The following SPEN variants were observed in gnomAD, a reference collection of about 807,000 sequenced individuals.
SPEN encodes msx2-interacting protein.
In SPEN, 18 loss-of-function variants were observed where a neutral mutation model predicts 269.9. The ratio of observed to expected loss-of-function variants is 0.07; its 90% CI spans 0.05 to 0.10. The LOEUF is 0.10. Ranked by LOEUF, SPEN falls within the 10% of genes least tolerant of loss-of-function variation. The probability of loss-of-function intolerance (pLI) is 1.00; values close to 1 mark genes in which losing one functional copy is unlikely to be tolerated. For synonymous variants in SPEN, 1,726 were observed against 1,765.7 expected, an observed-to-expected ratio of 0.98 and a Z score of 0.56; for missense variants, 3,822 against 4,631.2, an observed-to-expected ratio of 0.83 and a Z score of 5.07.
At position 15,939,121 on chromosome 1, in the gene SPEN, T is replaced by G. The variant is rs2071310383; in HGVS notation, c.10864-175T>G. ...GATAGGGCCCCAGGGGGTTCCTGTT[T>G]ATAGTTTTCTGACACCTGCTAGGTC... On this transcript the variant is annotated intron_variant, in intron 14 of 14. Transcript: ENST00000375759. This position sits in a 1 kb window ranked among gnomAD's most constrained non-coding sequence, Gnocchi z 4.1. Among the ~76,000 whole-genome samples the G allele has an allele frequency of 6.6e-6, 1 of 152,168 alleles. No individual in the cohort carries two copies. The highest frequency in any genetic ancestry group is 1.5e-5 in the Non-Finnish European group (1 of 68,018).
At position 15,848,154 on chromosome 1, in the gene SPEN, A is replaced by G; in HGVS notation, c.83+4A>G. On this transcript the variant is annotated splice_donor_region_variant and intron_variant, in intron 1 of 14. Coordinates refer to ENST00000375759, the MANE Select transcript of SPEN (RefSeq NM_015001.3). The surrounding 1 kb of genome is among the most constrained non-coding windows in gnomAD (Gnocchi z 5.1). Reference sequence around the variant, plus strand: ...AGATCATCGAGCATTTCAAACGGTGAGTGACACGAGGCCCGCGGCCGCGCT... The same window carrying G: ...AGATCATCGAGCATTTCAAACGGTGGGTGACACGAGGCCCGCGGCCGCGCT... 1 of 1,470,302 alleles carries G rather than the reference A, an allele frequency of 6.8e-7. No homozygotes were observed. Among genetic ancestry groups the G allele is most frequent in the Non-Finnish European group, 9.1e-7 (1 of 1,099,266 alleles). The allele number at this position is 1,470,302 out of a possible 1,614,324, so 91.1% of individuals were successfully genotyped here.
chr1:15,855,258 CA>C lies in SPEN; in HGVS notation c.83+7111del. Among the ~76,000 whole-genome samples the C allele has an allele frequency of 2.0e-5, 3 of 152,214 alleles. No homozygotes were observed. In the Middle Eastern group the frequency reaches 0.01, roughly 518 times the overall value. ...TGTTTGGGTCACTAGGGAACATTGC[CA>C]AATGATATGAAGATTCTTTTAATTA... On this transcript the variant is annotated intron_variant, in intron 1 of 14. Coordinates refer to ENST00000375759, the MANE Select transcript of SPEN (RefSeq NM_015001.3).
chr1:15,858,412 A>G (rs2070408204), intron 1 of SPEN, among the ~76,000 whole-genome samples: 1 of 152,172 alleles, frequency 6.6e-6, no homozygotes, highest in African/African-American at 2.4e-5. Flanking sequence ...CCCTGAAACA[A>G]GGACACTTTC....
Position 15,918,915 on chromosome 1 carries a change from G to T in SPEN, c.1396-11G>T. 1 of 1,601,344 alleles carries T rather than the reference G, an allele frequency of 6.2e-7. No homozygotes were observed. The highest frequency in any genetic ancestry group is 8.5e-7 in the Non-Finnish European group (1 of 1,175,362). ...GGCATATTGCTAAGTTGTATTCATT[G>T]GTTTTTTCAGGATATTGACATTAAG... On this transcript the variant is annotated splice_polypyrimidine_tract_variant and intron_variant, in intron 6 of 14. Transcript: ENST00000375759.
At chr1:15,891,983 A>T in intron 3 of SPEN, among the ~76,000 whole-genome samples, 1 of 144,422 alleles carries the variant, frequency 6.9e-6, no homozygotes, top group Admixed American at 6.9e-5. Flanking sequence ...AAAGCATATT[A>T]CTACATTAAT....
intron 10 of SPEN, among the ~76,000 whole-genome samples, 185 bp from the exon 11 acceptor site, chr1:15,927,906 G>C (rs2071183053): frequency 6.6e-6 from 1 of 152,170 alleles, no homozygotes; most frequent in Admixed American, 6.5e-5. Context: ...AATTTAGCTA[G>C]ATTTCAAGTG....
intron 1 of SPEN, among the ~76,000 whole-genome samples, chr1:15,872,117 A>G (rs2070583015): frequency 1.3e-5 from 2 of 151,546 alleles, no homozygotes; most frequent in African/African-American, 2.4e-5. Context: ...ATATGCCTGT[A>G]ATCCCGGCTT....
intron 1 of SPEN, among the ~76,000 whole-genome samples, chr1:15,849,585 T>G (rs923927136): frequency 3.3e-5 from 5 of 149,686 alleles, no homozygotes; most frequent in African/African-American, 9.9e-5. Flanking sequence ...ACTCTCCCGG[T>G]GTTTACTACG....
chr1:15,887,357 T>C (rs2070746790), intron 3 of SPEN, among the ~76,000 whole-genome samples: 1 of 140,776 alleles, frequency 7.1e-6, no homozygotes, highest in East Asian at 2.1e-4. Flanking sequence ...CTCAGCTCAC[T>C]GCAAGCTCCG....
At position 15,848,568 on chromosome 1, in the gene SPEN, C is replaced by T. The variant is rs2070300586; in HGVS notation, c.83+418C>T. ...CCCGCCCGACAGCCGGGTCCGGCGC[C>T]GCCACTCCAAGCTGCTCTGCGGGCG... is the stretch of plus-strand genomic sequence containing the variant. On this transcript the variant is annotated intron_variant, in intron 1 of 14. Transcript: ENST00000375759. This position sits in a 1 kb window ranked among gnomAD's most constrained non-coding sequence, Gnocchi z 5.1. 6.6e-6 allele frequency among the ~76,000 whole-genome samples: 1 copy of T among 152,088 alleles called. No homozygotes were observed. The highest frequency in any genetic ancestry group is 2.4e-5 in the African/African-American group (1 of 41,448).
rs190148810 is a variant in SPEN at position 15,857,057 on chromosome 1, C to T, written c.83+8907C>T. ...TCAGTTATGGCCTATCTGCTTTTCT[C>T]CTTCCTGTATTTTTTTTTTTCTTGA... is the stretch of plus-strand genomic sequence containing the variant. On this transcript the variant is annotated intron_variant, in intron 1 of 14. Transcript: ENST00000375759. Among the ~76,000 whole-genome samples, 523 of 151,932 alleles carry T rather than the reference C, an allele frequency of 3.4e-3. 1 individual carries two copies. The highest frequency in any genetic ancestry group is 4.8e-3 in the Non-Finnish European group (324 of 67,952).
intron 2 of SPEN, chr1:15,874,075 C>T (rs2070608139): frequency 7.5e-7 from 1 of 1,325,650 alleles, no homozygotes; most frequent in Non-Finnish European, 1.0e-6. Flanking sequence ...ATTTCCTCTT[C>T]TGCCAGCTAC....
At chr1:15,902,726 A>G (rs1279132779) in intron 3 of SPEN, among the ~76,000 whole-genome samples, 2 of 152,192 alleles carry the variant, frequency 1.3e-5, no homozygotes, top group Non-Finnish European at 2.9e-5. Flanking sequence ...TGGGCACCCA[A>G]ACCTGATTGA....
chr1:15,850,453 C>G (rs966114745), intron 1 of SPEN, among the ~76,000 whole-genome samples: 2 of 151,524 alleles, frequency 1.3e-5, no homozygotes, highest in Non-Finnish European at 2.9e-5. Flanking sequence ...ATAGACAGTA[C>G]ATTTTTATGG....
intron 13 of SPEN, 50 bp from the exon 14 acceptor site, chr1:15,938,668 G>C: frequency 6.4e-7 from 1 of 1,574,070 alleles, no homozygotes; most frequent in Non-Finnish European, 8.6e-7. Flanking sequence ...GATGTGGGCT[G>C]CTGTTTGACT....
chr1:15,904,468 A>AAAAAAAAAAAAAAAAAAAAT (rs2070935678), intron 3 of SPEN, among the ~76,000 whole-genome samples: 1 of 149,782 alleles, frequency 6.7e-6, no homozygotes, highest in Non-Finnish European at 1.5e-5. Context: ...AAAAAAAAAA[A>AAAAAAAAAAAAAAAAAAAAT]AAAAAAAAAG....
At position 15,933,695 on chromosome 1, in the gene SPEN, C is replaced by T; in HGVS notation, c.7455C>T (p.Ala2485=). 6.2e-7 allele frequency: 1 copy of T among 1,614,144 alleles called. No homozygotes were observed. Among genetic ancestry groups the T allele is most frequent in the Non-Finnish European group, 8.5e-7 (1 of 1,180,018 alleles). ...CAGCAAAGCTCTCACCTCCTGTCGC[C>T]TCTGGGGGGATCCCACACCAGAGCC... The part of the protein sequence containing the change: ...VTAAKLSPPV[A]SGGIPHQSPP... Residue 2485 remains alanine, a synonymous_variant, in exon 11 of 15, where the codon GCC becomes GCT. Coordinates refer to ENST00000375759, the MANE Select transcript of SPEN (RefSeq NM_015001.3). The surrounding 1 kb of genome is among the most constrained non-coding windows in gnomAD (Gnocchi z 5.7).
intron 1 of SPEN, among the ~76,000 whole-genome samples, chr1:15,871,864 A>AT (rs1447073776): frequency 6.6e-6 from 1 of 152,136 alleles, no homozygotes; most frequent in African/African-American, 2.4e-5. Flanking sequence ...AGTTTTACAG[A>AT]TTTTTAAATT....
Position 15,935,453 on chromosome 1 carries a change from C to T in SPEN, c.9213C>T (p.Ile3071=). 6.2e-7 allele frequency: 1 copy of T among 1,614,148 alleles called. No individual in the cohort carries two copies. The highest frequency in any genetic ancestry group is 1.3e-5 in the African/African-American group (1 of 75,020). The part of the protein sequence containing the change: ...GIPVPQFISS[I]HPEQSVIMPP... ...CAGTGCCCCAGTTCATCTCCAGCAT[C>T]CACCCAGAGCAGTCTGTCATCATGC... The change falls in exon 11 of 15, where the codon ATC becomes ATT. Residue 3071 remains isoleucine, a synonymous_variant. Coordinates refer to ENST00000375759, the MANE Select transcript of SPEN (RefSeq NM_015001.3). This position sits in a 1 kb window ranked among gnomAD's most constrained non-coding sequence, Gnocchi z 7.7.
Sources: allele counts gnomAD v4.1 joint callset (sites outside exome capture counted in the v4.1 genomes callset), GRCh38; gene constraint gnomAD v4.1.1; non-coding constraint Gnocchi (gnomAD v3.1); transcripts MANE v1.5; gene names NCBI Gene and HGNC (gene_info 2026-07-23, HGNC 2026-07-21).